The following LCTL variants were observed in gnomAD, a reference collection of about 807,000 sequenced individuals.
The protein encoded by LCTL is lactase like.
Under a neutral mutation model 75.8 loss-of-function variants are expected in LCTL, and 76 were observed. The observed-to-expected ratio is 1.00, with a 90% confidence interval of 0.83 to 1.21. LCTL has a LOEUF of 1.21. Ranked by LOEUF, LCTL falls within the 50% of genes most tolerant of loss-of-function variation. The pLI is 0.00. For missense variants in LCTL, 670 were observed against 712.4 expected, an observed-to-expected ratio of 0.94 and a Z score of 0.68; for synonymous variants, 271 against 268.8, an observed-to-expected ratio of 1.01 and a Z score of -0.08.
chr15:66,548,459 C>T, exon 13 of LCTL: 2 of 1,250,638 alleles, frequency 1.6e-6, no homozygotes, highest in Non-Finnish European at 2.3e-6. Flanking sequence ...TGAAGATTCT[C>T]TTATGAAGCT....
exon 13 of LCTL, chr15:66,547,616 T>C (rs1895425632): frequency 6.6e-6 from 1 of 152,282 alleles, no homozygotes; most frequent in Non-Finnish European, 1.5e-5. Flanking sequence ...GTAATATTTC[T>C]TTGAGGTATT....
exon 8 of LCTL, chr15:66,557,874 C>T: frequency 2.5e-6 from 4 of 1,613,888 alleles, no homozygotes; most frequent in South Asian, 1.1e-5. Flanking sequence ...CAATGAAATT[C>T]CCACCAGACC....
At position 66,564,018 on chromosome 15, in the gene LCTL, G is replaced by A. The variant is rs763262207; in HGVS notation, c.283-20C>T. On this transcript the variant is annotated intron_variant, in intron 2 of 12. Coordinates refer to ENST00000341509, the Ensembl canonical transcript of LCTL. ...GTCCTCCTGTGCAGACAGGGGTGGG[G>A]AGACAGGTCACCTGGGCCCTGGGTA... 1.9e-6 allele frequency: 3 copies of A among 1,567,704 alleles called. No homozygotes were observed. Among genetic ancestry groups the A allele is most frequent in the Non-Finnish European group, 2.6e-6 (3 of 1,138,388 alleles).
At chr15:66,561,406 G>T in intron 4 of LCTL, 91 bp from the exon 6 acceptor site, 1 of 1,436,504 alleles carries the variant, frequency 7.0e-7, no homozygotes, top group South Asian at 1.2e-5. Flanking sequence ...CAGACAAACA[G>T]GAGGGAGGCC....
chr15:66,557,286 G>A lies in LCTL; in HGVS notation c.922+436C>T, dbSNP rs115283587. Reference sequence around the variant, plus strand: ...CATCCAAATTGATATATCCCTGTAAGCCTTACTTGTGTTTATTCTCTTCTC... The same window carrying A: ...CATCCAAATTGATATATCCCTGTAAACCTTACTTGTGTTTATTCTCTTCTC... On this transcript the variant is annotated intron_variant, in intron 8 of 12. Coordinates refer to ENST00000341509, the Ensembl canonical transcript of LCTL. Among the ~76,000 whole-genome samples the A allele has an allele frequency of 5.1e-3, 771 of 152,266 alleles. 15 individuals carry two copies. Among genetic ancestry groups the A allele is most frequent in the South Asian group, 0.026 (124 of 4,820 alleles).
chr15:66,557,961 A>T (rs202221351), intron 7 of LCTL, 21 bp downstream of exon 8: 12 of 1,607,012 alleles, frequency 7.5e-6, no homozygotes, highest in Non-Finnish European at 3.4e-6. Context: ...TCCTGGGTAC[A>T]TGTGTGGGGC....
intron 8 of LCTL, among the ~76,000 whole-genome samples, chr15:66,553,909 G>A (rs546902085): frequency 3.3e-5 from 5 of 151,870 alleles, no homozygotes; most frequent in South Asian, 2.1e-4. Context: ...TAATTCCAGC[G>A]TTTTGGGAGG....
chr15:66,553,543 C>T (rs899443911), intron 8 of LCTL, among the ~76,000 whole-genome samples: 2 of 149,354 alleles, frequency 1.3e-5, no homozygotes, highest in Non-Finnish European at 3.0e-5. Context: ...ATCACAAGGT[C>T]AGGAGATCGA....
chr15:66,553,291 C>A (rs768462546), intron 8 of LCTL, 33 bp from the exon 10 acceptor site: 7 of 1,493,132 alleles, frequency 4.7e-6, no homozygotes, highest in South Asian at 4.3e-5. Flanking sequence ...TTTAACAAAG[C>A]CTTATTTTCT....
chr15:66,561,019 T>C (rs1326289898), exon 6 of LCTL: 3 of 1,614,038 alleles, frequency 1.9e-6, no homozygotes, highest in Non-Finnish European at 2.5e-6. Context: ...AATGATGTGG[T>C]GTGCTGCCTT....
intron 8 of LCTL, 116 bp from the exon 10 acceptor site, chr15:66,553,374 C>T: frequency 1.1e-6 from 1 of 869,994 alleles, no homozygotes; most frequent in Non-Finnish European, 1.7e-6. Flanking sequence ...GATTCATTTG[C>T]ATGGGAAGTA....
At chr15:66,554,622 A>G (rs1319841540) in intron 8 of LCTL, among the ~76,000 whole-genome samples, 1 of 152,234 alleles carries the variant, frequency 6.6e-6, no homozygotes, top group East Asian at 1.9e-4. Flanking sequence ...TCACACATGT[A>G]AAGGGATGTT....
At chr15:66,561,664 A>C (rs1336153817) in intron 4 of LCTL, among the ~76,000 whole-genome samples, 1 of 152,156 alleles carries the variant, frequency 6.6e-6, no homozygotes, top group African/African-American at 2.4e-5. Context: ...AACCAAAGAC[A>C]TCTGCCCATG....
chr15:66,551,696 A>G (rs781307928), exon 11 of LCTL: 2 of 1,614,112 alleles, frequency 1.2e-6, no homozygotes, highest in Non-Finnish European at 1.7e-6. Flanking sequence ...GGCAATGATA[A>G]TCTTCTTGTA....
At chr15:66,565,415 C>G in exon 1 of LCTL, 4 of 1,211,416 alleles carry the variant, frequency 3.3e-6, no homozygotes, top group Non-Finnish European at 3.5e-6. Flanking sequence ...GCTCTGCAGG[C>G]CCCTGCAGCC....
chr15:66,553,352 G>C, intron 8 of LCTL, 94 bp from the exon 10 acceptor site: 1 of 1,122,940 alleles, frequency 8.9e-7, no homozygotes, highest in Non-Finnish European at 1.2e-6. Context: ...TGACATAAAC[G>C]GTGGGCTTTA....
intron 8 of LCTL, among the ~76,000 whole-genome samples, chr15:66,556,768 G>A (rs1895749232): frequency 6.6e-6 from 1 of 152,178 alleles, no homozygotes; most frequent in Non-Finnish European, 1.5e-5. Context: ...CAGAGACTGT[G>A]GAATCGTGGT....
chr15:66,548,674 CA>C, intron 12 of LCTL, 69 bp from the exon 14 acceptor site: 2 of 792,540 alleles, frequency 2.5e-6, no homozygotes, highest in South Asian at 1.7e-5. Flanking sequence ...AGCTTTATCC[CA>C]AAAGCTTTAA....
intron 6 of LCTL, among the ~76,000 whole-genome samples, chr15:66,558,878 T>G (rs1895811519): frequency 6.7e-6 from 1 of 150,254 alleles, no homozygotes; most frequent in Non-Finnish European, 1.5e-5. Flanking sequence ...GTACTTTTAG[T>G]AGAGATAGGG....
Sources: allele counts gnomAD v4.1 joint callset (sites outside exome capture counted in the v4.1 genomes callset), GRCh38; gene constraint gnomAD v4.1.1; transcripts MANE v1.5; gene names NCBI Gene and HGNC (gene_info 2026-07-23, HGNC 2026-07-21).